The following ANKDD1B variants were observed in gnomAD, a reference collection of about 807,000 sequenced individuals.
The protein encoded by ANKDD1B is ankyrin repeat and death domain-containing protein 1B.
ANKDD1B carries 57 observed loss-of-function variants against 59.7 expected under a neutral mutation model. The observed-to-expected ratio is 0.95, with a 90% CI of 0.77 to 1.19. The LOEUF is 1.19. ANKDD1B is among the 50% of genes most tolerant of loss of function. The pLI is 0.00. For synonymous variants in ANKDD1B, 216 were observed against 239.5 expected (o/e 0.90, Z 0.91); for missense variants, 602 against 641.9 (o/e 0.94, Z 0.67).
intron 5 of ANKDD1B, among the ~76,000 whole-genome samples, chr5:75,630,653 A>C (rs1581136160): frequency 6.6e-6 from 1 of 152,362 alleles, no homozygotes; most frequent in East Asian, 1.9e-4. Flanking sequence ...CCAAACTGAT[A>C]AATATGTATT....
At chr5:75,627,312 TC>T in intron 5 of ANKDD1B, among the ~76,000 whole-genome samples, 1 of 152,232 alleles carries the variant, frequency 6.6e-6, no homozygotes, top group East Asian at 1.9e-4. Flanking sequence ...TCAGCAAACC[TC>T]CATTCTTTGA....
intron 5 of ANKDD1B, among the ~76,000 whole-genome samples, chr5:75,631,068 G>A (rs1774143007): frequency 6.6e-6 from 1 of 152,206 alleles, no homozygotes; most frequent in Non-Finnish European, 1.5e-5. Context: ...AGGCAGGTAA[G>A]GCCTGGAAAT....
Position 75,669,255 on chromosome 5 carries a change from A to G in ANKDD1B, c.1397A>G (p.Asn466Ser), listed in dbSNP as rs370521585. 29 of 1,231,984 alleles carry G rather than the reference A, an allele frequency of 2.4e-5. No individual in the cohort carries two copies. In the African/African-American group the frequency reaches 4.2e-4, roughly 18 times the overall value. The allele number at this position is 1,231,984 out of a possible 1,614,324, so 76.3% of individuals were successfully genotyped here. Residue 466 changes from asparagine to serine, a missense_variant, in exon 13 of 14, where the codon AAT becomes AGT. Physicochemically the swap from Asn to Ser is conservative, Grantham distance 46 (BLOSUM62 1). This residue lies in a region of ANKDD1B where 280 missense variants were observed against 319.8 expected (regional missense o/e 0.88). Transcript: ENST00000601380. Reference protein sequence around the residue: ...IRAIEEQWSGNESFREHGHRA... With the variant: ...IRAIEEQWSGSESFREHGHRA... Reference sequence around the variant, plus strand: ...GGACCTCTTGTGCTTGGCACAGGAAATGAAAGCTTCCGTGAACATGGCCAC... The same window carrying G: ...GGACCTCTTGTGCTTGGCACAGGAAGTGAAAGCTTCCGTGAACATGGCCAC...
At chr5:75,650,231 T>G (rs776241818) in intron 7 of ANKDD1B, among the ~76,000 whole-genome samples, 6 of 152,210 alleles carry the variant, frequency 3.9e-5, no homozygotes, top group Non-Finnish European at 8.8e-5. Context: ...GATCTTAAAA[T>G]GAGATTCTCC....
At chr5:75,659,640 G>T (rs1247517418) in intron 10 of ANKDD1B, among the ~76,000 whole-genome samples, 4 of 152,100 alleles carry the variant, frequency 2.6e-5, no homozygotes, top group Non-Finnish European at 2.9e-5. Context: ...AGAAATAAAA[G>T]AATATAATTA....
intron 1 of ANKDD1B, among the ~76,000 whole-genome samples, chr5:75,613,117 G>A (rs1773615031): frequency 6.6e-6 from 1 of 152,172 alleles, no homozygotes; most frequent in Non-Finnish European, 1.5e-5. Flanking sequence ...CTCAACAAGA[G>A]CAGTTTCAGT....
chr5:75,653,252 C>T lies in ANKDD1B; in HGVS notation c.897+12C>T, dbSNP rs1357867381. 7.2e-6 allele frequency: 11 copies of T among 1,530,332 alleles called. No homozygotes were observed. Among genetic ancestry groups the T allele is most frequent in the Admixed American group, 3.9e-5 (2 of 50,982 alleles). The allele number at this position is 1,530,332 out of a possible 1,614,324, so 94.8% of individuals were successfully genotyped here. On this transcript the variant is annotated intron_variant, in intron 8 of 13. Transcript: ENST00000601380. ...ACCAGAAAGTGGAAGTGAGTTTATT[C>T]CAATGACACGGGCTTTGGTCCTGGC...
chr5:75,635,361 T>A (rs7724771), intron 6 of ANKDD1B: 15,207 of 157,386 alleles, frequency 0.097, 1,559 homozygotes, highest in African/African-American at 0.27. Context: ...TGTACACCTT[T>A]GATGACTTTC....
chr5:75,637,274 GAAAGAAA>G (rs1433357948), intron 7 of ANKDD1B, among the ~76,000 whole-genome samples: 36 of 87,308 alleles, frequency 4.1e-4, no homozygotes, highest in Non-Finnish European at 6.7e-4. Context: ...AAAAAAAAAA[GAAAGAAA>G]AAAGAAACTG....
rs539431473 is a variant in ANKDD1B at position 75,612,556 on chromosome 5, A to T, written c.193+729A>T. Among the ~76,000 whole-genome samples the T allele has an allele frequency of 8.5e-5, 13 of 152,054 alleles. 1 individual carries two copies. Among genetic ancestry groups the T allele is most frequent in the Admixed American group, 7.2e-4 (11 of 15,288 alleles). On this transcript the variant is annotated intron_variant, in intron 1 of 13. Coordinates refer to ENST00000601380, the MANE Select transcript of ANKDD1B (RefSeq NM_001276713.2). ...GGAAGCTATACACCAATTCATCAAT[A>T]TAGTGTTCATTCAGTCATTCTAGAA...
intron 6 of ANKDD1B, 186 bp downstream of exon 6, chr5:75,635,182 T>G (rs919271013): frequency 2.1e-5 from 10 of 471,450 alleles, no homozygotes; most frequent in African/African-American, 5.8e-5. Flanking sequence ...TGCTCTGGGT[T>G]GTCCAGATTG....
chr5:75,612,368 T>G (rs1472325771), intron 1 of ANKDD1B, among the ~76,000 whole-genome samples: 1 of 107,316 alleles, frequency 9.3e-6, no homozygotes, highest in Admixed American at 1.2e-4. Context: ...GCGTGTAGGG[T>G]CTTGTTGCTC....
chr5:75,611,897 T>C (rs1418510135), intron 1 of ANKDD1B, 70 bp downstream of exon 1: 5 of 1,178,160 alleles, frequency 4.2e-6, no homozygotes, highest in Non-Finnish European at 5.3e-6. Flanking sequence ...CTTGAGAAGG[T>C]ACCCAGAGCA....
chr5:75,624,761 G>A (rs1291749334), intron 3 of ANKDD1B, among the ~76,000 whole-genome samples: 3 of 151,818 alleles, frequency 2.0e-5, no homozygotes, highest in Non-Finnish European at 2.9e-5. Flanking sequence ...TTGATCAATC[G>A]ACCTACCTAC....
In ANKDD1B at chr5:75,611,640, C is replaced by T. The variant is rs114367272; in HGVS notation, c.6C>T (p.Asp2=). The change falls in exon 1 of 14, where the codon GAC becomes GAT. Residue 2 remains aspartate (D), a synonymous_variant. Transcript: ENST00000601380. ...CAGGGCCCGCGGAGGAGACTATGGA[C>T]CCCGCCGGGCGCGCCCGGGGCCAAG... M[D]PAGRARGQGA... The T allele has an allele frequency of 3.2e-6, 4 of 1,231,356 alleles. No homozygotes were observed. The East Asian group carries it at 1.3e-4, about 39-fold the overall frequency. The allele number at this position is 1,231,356 out of a possible 1,614,324, so 76.3% of individuals were successfully genotyped here. A position where few individuals can be genotyped will look rare whatever the true frequency, so the allele number is the denominator to read the frequency against.
intron 11 of ANKDD1B, among the ~76,000 whole-genome samples, chr5:75,665,785 C>G (rs190303202): frequency 1.4e-4 from 22 of 152,028 alleles, no homozygotes; most frequent in Admixed American, 1.4e-3. Flanking sequence ...GGGGGCCCAT[C>G]AAGTTCTTCT....
intron 7 of ANKDD1B, among the ~76,000 whole-genome samples, chr5:75,650,187 A>C (rs1173178727): frequency 6.6e-6 from 1 of 152,232 alleles, no homozygotes; most frequent in Non-Finnish European, 1.5e-5. Context: ...AGGAGAATTT[A>C]AATTGCAGAT....
At chr5:75,617,845 G>A (rs780951914) in intron 2 of ANKDD1B, among the ~76,000 whole-genome samples, 10 of 152,112 alleles carry the variant, frequency 6.6e-5, no homozygotes, top group Non-Finnish European at 8.8e-5. Flanking sequence ...TGTGTCTGTC[G>A]CAGGCAGTAA....
chr5:75,641,311 C>T (rs940020164), intron 7 of ANKDD1B, among the ~76,000 whole-genome samples: 1 of 152,130 alleles, frequency 6.6e-6, no homozygotes, highest in Non-Finnish European at 1.5e-5. Flanking sequence ...GCTTTTAACC[C>T]CTGCAATGGC....
Sources: gnomAD v4.1 joint callset for allele counts (sites outside exome capture counted in the v4.1 genomes callset) on GRCh38, gnomAD v4.1.1 for gene constraint, gnomAD v4.1.1 regional missense constraint, MANE v1.5 for transcripts, NCBI Gene and HGNC (gene_info 2026-07-23, HGNC 2026-07-21) for gene names.